ITPRID1: variants seen among roughly 807,000 people sequenced by gnomAD.
The protein encoded by ITPRID1 is ITPR interacting domain containing 1.
In ITPRID1, 96 loss-of-function variants were observed where a neutral mutation model predicts 95.4. The ratio of observed to expected loss-of-function variants is 1.01; its 90% CI spans 0.85 to 1.19. The LOEUF is 1.19. Among genes scored for constraint, ITPRID1 ranks in the 50% most tolerant of loss-of-function variants. ITPRID1 has a pLI of 0.00. For synonymous variants in ITPRID1, 510 were observed against 453.6 expected (o/e 1.12, Z -1.58); for missense variants, 1,339 against 1,252.9 (o/e 1.07, Z -1.04).
chr7:31,622,820 C>T lies in ITPRID1; in HGVS notation c.1229-19356C>T, dbSNP rs1402439922. 2.0e-5 allele frequency among the ~76,000 whole-genome samples: 3 copies of T among 152,038 alleles called. No homozygotes were observed. In the East Asian group the frequency reaches 5.8e-4, roughly 29 times the overall value. On this transcript the variant is annotated intron_variant, in intron 10 of 14. Transcript: ENST00000615280. Reference sequence around the variant, plus strand: ...TTCAAAAAATTAATGAATCCAGGAGCTGGTTTTTTGAAATGATCAACAAAA... The same window carrying T: ...TTCAAAAAATTAATGAATCCAGGAGTTGGTTTTTTGAAATGATCAACAAAA...
intron 10 of ITPRID1, among the ~76,000 whole-genome samples, chr7:31,586,696 T>G (rs1487432432): frequency 6.6e-6 from 1 of 152,214 alleles, no homozygotes; most frequent in Non-Finnish European, 1.5e-5. Flanking sequence ...TGTCTGTTTT[T>G]TTCTTGTAAA....
At chr7:31,624,075 G>T (rs1788197916) in intron 10 of ITPRID1, among the ~76,000 whole-genome samples, 1 of 150,772 alleles carries the variant, frequency 6.6e-6, no homozygotes, top group Non-Finnish European at 1.5e-5. Flanking sequence ...GGATGTGAAG[G>T]ACCTCTTCAA....
chr7:31,545,836 A>G (rs1784079673), intron 1 of ITPRID1, among the ~76,000 whole-genome samples: 1 of 152,118 alleles, frequency 6.6e-6, no homozygotes, highest in South Asian at 2.1e-4. Context: ...ACTTCACTGA[A>G]TCATTTGGAA....
chr7:31,618,614 A>ATAAACTCCCCTCCATTAATG (rs1281525339), intron 10 of ITPRID1, among the ~76,000 whole-genome samples: 11 of 152,232 alleles, frequency 7.2e-5, no homozygotes, highest in African/African-American at 2.7e-4. Flanking sequence ...AGCAAATTTC[A>ATAAACTCCCCTCCATTAATG]TAAACTCCCC....
chr7:31,625,686 TGG>T, intron 10 of ITPRID1, among the ~76,000 whole-genome samples: 1 of 152,252 alleles, frequency 6.6e-6, no homozygotes, highest in East Asian at 1.9e-4. Context: ...GACGAGTTAG[TGG>T]GTGCAGCGCA....
intron 5 of ITPRID1, among the ~76,000 whole-genome samples, chr7:31,558,620 G>A (rs1056314762): frequency 6.6e-6 from 1 of 152,156 alleles, no homozygotes; most frequent in African/African-American, 2.4e-5. Context: ...TAGTAATAAT[G>A]TAGTTTGTAC....
At chr7:31,539,720 T>C (rs1365338213) in intron 1 of ITPRID1, among the ~76,000 whole-genome samples, 1 of 152,166 alleles carries the variant, frequency 6.6e-6, no homozygotes, top group Non-Finnish European at 1.5e-5. Flanking sequence ...GTGCACTTTC[T>C]CTTACAGACT....
At chr7:31,574,396 T>C (rs1483024110) in intron 7 of ITPRID1, 144 bp from the exon 8 acceptor site, 5 of 700,494 alleles carry the variant, frequency 7.1e-6, no homozygotes, top group Non-Finnish European at 1.2e-5. Context: ...AGTAAGTATA[T>C]AGGAACGCTA....
intron 1 of ITPRID1, among the ~76,000 whole-genome samples, chr7:31,547,091 G>A (rs543268150): frequency 1.4e-5 from 2 of 147,862 alleles, no homozygotes; most frequent in South Asian, 4.2e-4. Context: ...GAAATGATAA[G>A]AAGTGAAAGT....
chr7:31,642,101 C>A, intron 10 of ITPRID1, 75 bp from the exon 11 acceptor site: 1 of 1,009,932 alleles, frequency 9.9e-7, no homozygotes, highest in Non-Finnish European at 1.5e-6. Context: ...TGTCAGGCAC[C>A]TAGAGGGGTT....
intron 10 of ITPRID1, among the ~76,000 whole-genome samples, chr7:31,634,790 A>G (rs1789328784): frequency 6.6e-6 from 1 of 152,194 alleles, no homozygotes; most frequent in African/African-American, 2.4e-5. Context: ...AGGTGATAAG[A>G]TCTAGCTGGA....
intron 1 of ITPRID1, among the ~76,000 whole-genome samples, chr7:31,515,753 ATTGT>A: frequency 6.6e-6 from 1 of 152,180 alleles, no homozygotes; most frequent in Non-Finnish European, 1.5e-5. Flanking sequence ...TACACATTGT[ATTGT>A]TTAAAATGTT....
At chr7:31,641,632 G>A (rs576503779) in intron 10 of ITPRID1, among the ~76,000 whole-genome samples, 47 of 152,234 alleles carry the variant, frequency 3.1e-4, no homozygotes, top group African/African-American at 1.0e-3. Context: ...CTGCCCACAC[G>A]TGACTTTGCC....
intron 10 of ITPRID1, among the ~76,000 whole-genome samples, chr7:31,634,684 G>A (rs1341488650): frequency 6.6e-6 from 1 of 152,132 alleles, no homozygotes; most frequent in Non-Finnish European, 1.5e-5. Flanking sequence ...AGCAGTCTAA[G>A]GAGGCATGAA....
intron 10 of ITPRID1, among the ~76,000 whole-genome samples, chr7:31,615,776 CAG>C (rs1268927345): frequency 6.9e-6 from 1 of 144,668 alleles, no homozygotes; most frequent in African/African-American, 2.6e-5. Flanking sequence ...TTTTCTGAGA[CAG>C]AGTCTCGCTC....
chr7:31,643,025 A>C lies in ITPRID1; in HGVS notation c.1655A>C (p.Glu552Ala). ...CTGCCAATGCCCCATGCTGAGTATG[A>C]GGTCACCAGACCCACAGCCACTTCC... ...QLLPMPHAEY[E>A]VTRPTATSKY... The change falls in exon 12 of 15, where the codon GAG becomes GCG. Residue 552 changes from glutamate to alanine, a missense_variant. Physicochemically the swap from Glu to Ala is moderately radical, Grantham distance 107. Transcript: ENST00000615280. 6.2e-7 allele frequency: 1 copy of C among 1,613,986 alleles called. No homozygotes were observed. Among genetic ancestry groups the C allele is most frequent in the Non-Finnish European group, 8.5e-7 (1 of 1,179,868 alleles).
chr7:31,578,137 G>A lies in ITPRID1; in HGVS notation c.873G>A (p.Trp291Ter), dbSNP rs1291774151. 1 of 1,613,698 alleles carries A rather than the reference G, an allele frequency of 6.2e-7. No individual in the cohort carries two copies. Among genetic ancestry groups the A allele is most frequent in the Admixed American group, 1.7e-5 (1 of 59,982 alleles). Reference protein sequence around the residue: ...DEVFVPFTKPWDCGAELAATS... With the variant: ...DEVFVPFTKP ...TTTTTGTTCCCTTTACAAAACCATG[G>A]GATTGTGGAGCAGAGCTAGCAGCAA... Residue 291 changes from tryptophan to a stop codon, truncating the protein, a stop_gained, in exon 9 of 15, where the codon TGG becomes TGA. Coordinates refer to ENST00000615280, the MANE Select transcript of ITPRID1 (RefSeq NM_001257967.3). LOFTEE classifies it high-confidence loss of function.
At chr7:31,652,122 T>C in intron 14 of ITPRID1, 72 bp downstream of exon 14, 8 of 1,079,154 alleles carry the variant, frequency 7.4e-6, no homozygotes, top group Non-Finnish European at 1.1e-5. Flanking sequence ...ATGAGAAACT[T>C]GATTGTGCAA....
intron 10 of ITPRID1, among the ~76,000 whole-genome samples, chr7:31,591,161 A>G (rs1344589854): frequency 2.6e-5 from 4 of 152,350 alleles, no homozygotes; most frequent in South Asian, 4.1e-4. Flanking sequence ...TTCATCAATT[A>G]TAAGATGAAT....
Sources: allele counts gnomAD v4.1 joint callset (sites outside exome capture counted in the v4.1 genomes callset), GRCh38; gene constraint gnomAD v4.1.1; transcripts MANE v1.5; gene names NCBI Gene and HGNC (gene_info 2026-07-23, HGNC 2026-07-21).